Variants in SLC4A10 observed in about 807,000 individuals in gnomAD.
SLC4A10 encodes solute carrier family 4 member 10.
SLC4A10 carries 42 observed loss-of-function variants against 137.7 expected under a neutral mutation model. The observed-to-expected ratio is 0.30, with a 90% CI of 0.24 to 0.39. SLC4A10 has a LOEUF of 0.39. Among genes scored for constraint, SLC4A10 ranks in the 10% least tolerant of loss-of-function variants. SLC4A10 has a pLI of 1.00. For synonymous variants in SLC4A10, 474 were observed against 464.1 expected (o/e 1.02, Z -0.27); for missense variants, 925 against 1,355.0 (o/e 0.68, Z 4.98).
At chr2:161,667,208 T>C (rs3860428) in intron 1 of SLC4A10, among the ~76,000 whole-genome samples, 131,945 of 151,432 alleles carry the variant, frequency 0.87, 58,098 homozygotes, top group East Asian at 1. Flanking sequence ...TTTCTTCATC[T>C]TCCTGAAAAA....
At chr2:161,869,832 A>C (rs945257836) in intron 6 of SLC4A10, among the ~76,000 whole-genome samples, 5 of 151,574 alleles carry the variant, frequency 3.3e-5, no homozygotes, top group Non-Finnish European at 7.4e-5. Context: ...ACTGCTCTGA[A>C]ATATAAACGA....
intron 11 of SLC4A10, among the ~76,000 whole-genome samples, chr2:161,897,606 A>G (rs1169083971): frequency 6.6e-6 from 1 of 152,158 alleles, no homozygotes; most frequent in Non-Finnish European, 1.5e-5. Flanking sequence ...TTTCATAATT[A>G]TTAAAGACTA....
chr2:161,632,526 A>G (rs2033743300), intron 1 of SLC4A10, among the ~76,000 whole-genome samples: 1 of 151,708 alleles, frequency 6.6e-6, no homozygotes, highest in African/African-American at 2.4e-5. Context: ...TTTGTAGTAT[A>G]ACTTTATGAT....
chr2:161,668,487 T>C (rs55638078), intron 1 of SLC4A10, among the ~76,000 whole-genome samples: 11,366 of 151,718 alleles, frequency 0.075, 546 homozygotes, highest in East Asian at 0.14. Flanking sequence ...AGTAGTGAGT[T>C]TCTCACTACT....
chr2:161,664,795 C>A (rs1415665464), intron 1 of SLC4A10, among the ~76,000 whole-genome samples: 2 of 151,292 alleles, frequency 1.3e-5, no homozygotes, highest in African/African-American at 4.8e-5. Context: ...ATGGGCAAAG[C>A]TATCTCCTTT....
At chr2:161,951,902 G>T (rs1473580599) in intron 19 of SLC4A10, among the ~76,000 whole-genome samples, 7 of 152,154 alleles carry the variant, frequency 4.6e-5, no homozygotes, top group Admixed American at 4.6e-4. Context: ...TGGAGAGAAT[G>T]TGTGTCTATC....
In SLC4A10 at chr2:161,983,620, A is replaced by C. The variant is rs1425096423; in HGVS notation, c.*468A>C. On this transcript the variant is annotated 3_prime_UTR_variant, in exon 27 of 27. Coordinates refer to ENST00000446997, the MANE Select transcript of SLC4A10 (RefSeq NM_001178015.2). Reference sequence around the variant, plus strand: ...AATTTCATTCAGAAGAATTTTTGAAAGGTAGTCTTACTTCTTTTTAGTTTT... The same window carrying C: ...AATTTCATTCAGAAGAATTTTTGAACGGTAGTCTTACTTCTTTTTAGTTTT... The C allele has an allele frequency of 6.0e-6, 1 of 165,294 alleles. No individual in the cohort carries two copies. Among genetic ancestry groups the C allele is most frequent in the African/African-American group, 2.4e-5 (1 of 42,096 alleles). 10.2% of individuals were successfully genotyped at this position (165,294 alleles called of 1,614,324 possible).
chr2:161,717,817 A>T (rs2045107500), intron 1 of SLC4A10, among the ~76,000 whole-genome samples: 1 of 152,188 alleles, frequency 6.6e-6, no homozygotes, highest in African/African-American at 2.4e-5. Context: ...AAAATGGTTT[A>T]CAGAGGAGTC....
intron 6 of SLC4A10, among the ~76,000 whole-genome samples, chr2:161,864,561 G>C (rs530036855): frequency 6.6e-6 from 1 of 152,106 alleles, no homozygotes; most frequent in Non-Finnish European, 1.5e-5. Context: ...TTGATTTTTA[G>C]GGCTTTTCAA....
Position 161,769,996 on chromosome 2 carries a change from T to A in SLC4A10, c.49-977T>A, listed in dbSNP as rs183934050. 1.8e-4 allele frequency among the ~76,000 whole-genome samples: 27 copies of A among 152,024 alleles called. No individual in the cohort carries two copies. The East Asian group carries it at 5.0e-3, about 28-fold the overall frequency. The stretch of plus-strand genomic sequence containing the variant: ...ATTTTAAATTTAATTTTTTAAAAAA[T>A]TTCTTTTCAACATACTCTGGCTTTC... On this transcript the variant is annotated intron_variant, in intron 1 of 26. Transcript: ENST00000446997.
At chr2:161,643,693 A>C (rs1004937481) in intron 1 of SLC4A10, among the ~76,000 whole-genome samples, 5 of 152,152 alleles carry the variant, frequency 3.3e-5, no homozygotes, top group Admixed American at 6.5e-5. Context: ...GGTCTGCATA[A>C]GGCAAGATAT....
At chr2:161,667,143 G>A (rs1011052188) in intron 1 of SLC4A10, among the ~76,000 whole-genome samples, 19 of 151,488 alleles carry the variant, frequency 1.3e-4, no homozygotes, top group African/African-American at 4.6e-4. Context: ...AGATATAATC[G>A]AGCTGAGAAT....
At chr2:161,886,520 T>G (rs2062302748) in intron 10 of SLC4A10, among the ~76,000 whole-genome samples, 1 of 152,210 alleles carries the variant, frequency 6.6e-6, no homozygotes, top group Admixed American at 6.5e-5. Flanking sequence ...ACCGTCATTC[T>G]ACTTAAACTG....
At chr2:161,812,417 A>T (rs1396689300) in intron 3 of SLC4A10, among the ~76,000 whole-genome samples, 4 of 151,896 alleles carry the variant, frequency 2.6e-5, no homozygotes, top group Non-Finnish European at 2.9e-5. Flanking sequence ...GGTTTGTTAC[A>T]TGAGTATGTT....
chr2:161,813,069 G>A (rs1258761440), intron 3 of SLC4A10, among the ~76,000 whole-genome samples: 1 of 151,858 alleles, frequency 6.6e-6, no homozygotes, highest in East Asian at 1.9e-4. Flanking sequence ...CTGGTTGGTA[G>A]AGTGTATCCC....
chr2:161,936,026 G>A (rs922873559), intron 15 of SLC4A10, among the ~76,000 whole-genome samples: 2 of 152,068 alleles, frequency 1.3e-5, no homozygotes, highest in Admixed American at 6.6e-5. Flanking sequence ...TGCTTTTTCT[G>A]TGTCTGTAGA....
chr2:161,777,457 A>G (rs570930143), intron 2 of SLC4A10, among the ~76,000 whole-genome samples: 10 of 151,932 alleles, frequency 6.6e-5, no homozygotes, highest in Non-Finnish European at 1.0e-4. Flanking sequence ...ATGTTTTCCT[A>G]TGTTTCTGTG....
At position 161,905,481 on chromosome 2, in the gene SLC4A10, T is replaced by C. The variant is rs567066741; in HGVS notation, c.1752-161T>C. Among the ~76,000 whole-genome samples the C allele has an allele frequency of 5.3e-5, 8 of 152,256 alleles. No individual in the cohort carries two copies. The East Asian group carries it at 1.4e-3, about 26-fold the overall frequency. ...TTCATAACAGGCCATGGACCAGGGGTTGGGGACCCCTGCTTTAGACAGTCT... is the reference window on the plus strand; with the variant it reads ...TTCATAACAGGCCATGGACCAGGGGCTGGGGACCCCTGCTTTAGACAGTCT... On this transcript the variant is annotated intron_variant, in intron 14 of 26. Coordinates refer to ENST00000446997, the MANE Select transcript of SLC4A10 (RefSeq NM_001178015.2).
intron 26 of SLC4A10, among the ~76,000 whole-genome samples, chr2:161,980,159 G>C (rs1053580182): frequency 6.6e-6 from 1 of 152,152 alleles, no homozygotes; most frequent in Admixed American, 6.5e-5. Context: ...AGTGTGTCTG[G>C]AGGTCCTTGG....
Sources: allele counts gnomAD v4.1 joint callset (sites outside exome capture counted in the v4.1 genomes callset), GRCh38; gene constraint gnomAD v4.1.1; transcripts MANE v1.5; gene names NCBI Gene and HGNC (gene_info 2026-07-23, HGNC 2026-07-21).